The following IGSF5 variants were observed in gnomAD, a reference collection of about 807,000 sequenced individuals.
IGSF5 encodes immunoglobulin superfamily 5 like.
IGSF5 carries 41 observed loss-of-function variants against 39.4 expected under a neutral mutation model. The ratio of observed to expected loss-of-function variants is 1.04; its 90% CI spans 0.81 to 1.35. The LOEUF is 1.35. Ranked by LOEUF, IGSF5 falls within the 40% of genes most tolerant of loss-of-function variation. The pLI, the probability that IGSF5 is intolerant of heterozygous loss-of-function variation, is 0.00. For synonymous variants in IGSF5, 183 were observed against 175.3 expected, an observed-to-expected ratio of 1.04 and a Z score of -0.34; for missense variants, 487 against 494.6, an observed-to-expected ratio of 0.98 and a Z score of 0.15.
the IGSF5 span, among the ~76,000 whole-genome samples, chr21:39,715,266 T>A: frequency 1.3e-5 from 2 of 151,964 alleles, no homozygotes; most frequent in Non-Finnish European, 2.9e-5. Context: ...TACAGGTGCA[T>A]GCCACCATGC....
the IGSF5 span, among the ~76,000 whole-genome samples, chr21:39,736,872 C>T: frequency 6.6e-6 from 1 of 152,160 alleles, no homozygotes; most frequent in African/African-American, 2.4e-5. Context: ...CTTTGCTGGC[C>T]AGCCCTCACA....
intron 4 of IGSF5, among the ~76,000 whole-genome samples, chr21:39,774,712 T>G (rs1375766332): frequency 6.6e-6 from 1 of 152,220 alleles, no homozygotes; most frequent in Non-Finnish European, 1.5e-5. Flanking sequence ...TGCACTTATT[T>G]GTGTGTAGGT....
chr21:39,785,656 C>T (rs1601138738), intron 5 of IGSF5, among the ~76,000 whole-genome samples: 1 of 152,038 alleles, frequency 6.6e-6, no homozygotes, highest in African/African-American at 2.4e-5. Context: ...GCAGTATGGC[C>T]ATTTTCATGA....
At chr21:39,750,188 A>T (rs1253397162) in intron 2 of IGSF5, among the ~76,000 whole-genome samples, 1 of 151,966 alleles carries the variant, frequency 6.6e-6, no homozygotes, top group Non-Finnish European at 1.5e-5. Context: ...TTCCTTTCAC[A>T]CCTTCAACTG....
At chr21:39,793,652 G>C (rs750072174) in intron 8 of IGSF5, 39 bp downstream of exon 8, 1 of 1,544,596 alleles carries the variant, frequency 6.5e-7, no homozygotes, top group Non-Finnish European at 8.9e-7. Flanking sequence ...GACTTTTTTG[G>C]CTATTTAAAA....
chr21:39,761,628 T>G (rs1261381019), intron 2 of IGSF5, among the ~76,000 whole-genome samples: 1 of 152,186 alleles, frequency 6.6e-6, no homozygotes, highest in Non-Finnish European at 1.5e-5. Flanking sequence ...CAAAAGAAGA[T>G]GTACAAGATG....
intron 8 of IGSF5, among the ~76,000 whole-genome samples, chr21:39,796,022 G>A (rs2086994015): frequency 6.6e-6 from 1 of 152,182 alleles, no homozygotes; most frequent in African/African-American, 2.4e-5. Flanking sequence ...GAAGGACTTT[G>A]CCGTCATGGG....
At chr21:39,720,022 T>C in the IGSF5 span, among the ~76,000 whole-genome samples, 4 of 152,246 alleles carry the variant, frequency 2.6e-5, no homozygotes, top group African/African-American at 4.8e-5. Flanking sequence ...GTTTTATACA[T>C]ACAGAAACAT....
chr21:39,796,692 C>T (rs1252117234), intron 8 of IGSF5, among the ~76,000 whole-genome samples: 1 of 152,196 alleles, frequency 6.6e-6, no homozygotes, highest in East Asian at 1.9e-4. Flanking sequence ...TGTTAGAGTT[C>T]AGGGTTGTTG....
intron 3 of IGSF5, among the ~76,000 whole-genome samples, chr21:39,770,169 C>A (rs1387258132): frequency 1.3e-5 from 2 of 152,134 alleles, no homozygotes; most frequent in Non-Finnish European, 2.9e-5. Flanking sequence ...TGTGTCTTTA[C>A]TGGGGCCAAT....
intron 6 of IGSF5, 86 bp downstream of exon 6, chr21:39,788,274 C>A: frequency 1.0e-6 from 1 of 976,906 alleles, no homozygotes; most frequent in East Asian, 2.5e-5. Context: ...GTACACACAA[C>A]TGCGGGATTT....
intron 5 of IGSF5, among the ~76,000 whole-genome samples, chr21:39,782,878 C>A (rs1005220143): frequency 6.6e-6 from 1 of 152,144 alleles, no homozygotes; most frequent in Admixed American, 6.5e-5. Flanking sequence ...CTAGCTTCCC[C>A]CGACTACCTC....
At chr21:39,752,829 A>G (rs1382681358) in intron 2 of IGSF5, among the ~76,000 whole-genome samples, 1 of 148,630 alleles carries the variant, frequency 6.7e-6, no homozygotes, top group East Asian at 1.9e-4. Flanking sequence ...TTCTTTGCCC[A>G]CTTTTTGATA....
At chr21:39,724,738 A>G in the IGSF5 span, among the ~76,000 whole-genome samples, 1 of 152,222 alleles carries the variant, frequency 6.6e-6, no homozygotes, top group African/African-American at 2.4e-5. Flanking sequence ...TCAGTTGGTC[A>G]TCACATTCTT....
intron 8 of IGSF5, among the ~76,000 whole-genome samples, chr21:39,796,535 C>T (rs1244966076): frequency 6.6e-6 from 1 of 152,222 alleles, no homozygotes; most frequent in Non-Finnish European, 1.5e-5. Flanking sequence ...AGTCCCGTCT[C>T]AGTTTTCCTT....
At chr21:39,720,983 T>G in the IGSF5 span, among the ~76,000 whole-genome samples, 2 of 152,180 alleles carry the variant, frequency 1.3e-5, no homozygotes, top group South Asian at 4.1e-4. Flanking sequence ...TTATGTCACG[T>G]GGCTGGTGGA....
At chr21:39,793,704 G>T in intron 8 of IGSF5, 91 bp downstream of exon 8, 1 of 1,002,752 alleles carries the variant, frequency 1.0e-6, no homozygotes, top group Non-Finnish European at 1.6e-6. Flanking sequence ...GGTGCGCGTT[G>T]TGTATTCATG....
chr21:39,737,628 G>A, the IGSF5 span, among the ~76,000 whole-genome samples: 5 of 152,142 alleles, frequency 3.3e-5, no homozygotes, highest in African/African-American at 4.8e-5. Context: ...ATGAAGATGC[G>A]CAGGGCGAGG....
rs938877275 is a variant in IGSF5, at chr21:39,792,041, T to A, written c.990T>A (p.Thr330=). The A allele has an allele frequency of 6.2e-7, 1 of 1,610,492 alleles. No homozygotes were observed. Among genetic ancestry groups the A allele is most frequent in the Non-Finnish European group, 8.5e-7 (1 of 1,178,314 alleles). ...KSEKEKTNKE[T]ETESGNENSG... is the part of the protein sequence containing the mutation. ...AAAAAGAGAAGACAAACAAAGAAAC[T>A]GAGACAGAAAGTGGAAATGAAAACT... Residue 330 remains threonine (T), a synonymous_variant, in exon 7 of 9, where the codon ACT becomes ACA. Coordinates refer to ENST00000380588, the MANE Select transcript of IGSF5 (RefSeq NM_001080444.2).
Sources: allele counts gnomAD v4.1 joint callset (sites outside exome capture counted in the v4.1 genomes callset), GRCh38; gene constraint gnomAD v4.1.1; transcripts MANE v1.5; gene names NCBI Gene and HGNC (gene_info 2026-07-23, HGNC 2026-07-21).